The following GCG variants were observed in gnomAD, a reference collection of about 807,000 sequenced individuals.
GCG encodes the protein pro-glucagon.
In GCG, 11 loss-of-function variants were observed where a neutral mutation model predicts 22.8. The observed-to-expected ratio is 0.48, with a 90% CI of 0.30 to 0.80. The LOEUF is 0.80. Among genes scored for constraint, GCG ranks in the 30% least tolerant of loss-of-function variants. The probability of loss-of-function intolerance (pLI) is 0.06; values close to 1 mark genes in which losing one functional copy is unlikely to be tolerated. For missense variants in GCG, 222 were observed against 222.0 expected (o/e 1.00, Z 0.00); for synonymous variants, 89 against 72.4 (o/e 1.23, Z -1.16).
Position 162,151,524 on chromosome 2 carries a change from T to C in GCG, c.-10+634A>G, listed in dbSNP as rs572040930. 2.0e-5 allele frequency among the ~76,000 whole-genome samples: 3 copies of C among 152,276 alleles called. No individual in the cohort carries two copies. In the South Asian group the frequency reaches 6.2e-4, roughly 32 times the overall value. On this transcript the variant is annotated intron_variant, in intron 1 of 5. Coordinates refer to ENST00000418842, the MANE Select transcript of GCG (RefSeq NM_002054.5). ...ATCCTCAATACATAGTAAATAGTTA[T>C]TAATGTATGGCTTCACTCAGATGCA...
chr2:162,147,209 G>C, intron 3 of GCG, 144 bp downstream of exon 3: 1 of 683,520 alleles, frequency 1.5e-6, no homozygotes, highest in Middle Eastern at 4.2e-4. Context: ...ACTAAGGAGA[G>C]CATCCCCAAC....
At chr2:162,143,446 C>A (rs2106193975) in intron 5 of GCG, 76 bp from the exon 6 acceptor site, 4 of 604,546 alleles carry the variant, frequency 6.6e-6, no homozygotes, top group African/African-American at 1.9e-5. Flanking sequence ...GAAAATATTT[C>A]AATGATTTAT....
intron 4 of GCG, 92 bp from the exon 5 acceptor site, chr2:162,144,262 T>C (rs1404662567): frequency 2.0e-6 from 2 of 997,622 alleles, no homozygotes; most frequent in Non-Finnish European, 3.2e-6. Context: ...CACAAGTGTC[T>C]TGAGGAAACA....
Position 162,147,399 on chromosome 2 carries a change from G to T in GCG, c.208C>A (p.Arg70Ser), listed in dbSNP as rs745902596. 1.9e-6 allele frequency: 3 copies of T among 1,612,952 alleles called. No individual in the cohort carries two copies. Among genetic ancestry groups the T allele is most frequent in the East Asian group, 2.2e-5 (1 of 44,886 alleles). The part of the protein sequence containing the change: ...SDYSKYLDSR[R>S]AQDFVQWLMN... ...AACCACTGCACAAAATCTTGGGCACGCCTGGAGTCCAGATACTTGCTGTAG... is the reference window on the plus strand; with the variant it reads ...AACCACTGCACAAAATCTTGGGCACTCCTGGAGTCCAGATACTTGCTGTAG... Residue 70 changes from arginine to serine, a missense_variant, in exon 3 of 6, where the codon CGT becomes AGT. Physicochemically the swap from Arg to Ser is moderately radical, Grantham distance 110 (BLOSUM62 -1). Coordinates refer to ENST00000418842, the MANE Select transcript of GCG (RefSeq NM_002054.5).
intron 3 of GCG, among the ~76,000 whole-genome samples, chr2:162,146,983 C>T (rs1409096621): frequency 6.6e-6 from 1 of 152,030 alleles, no homozygotes; most frequent in Non-Finnish European, 1.5e-5. Context: ...GGGTTTGAAC[C>T]CCACGAAAGA....
chr2:162,144,962 T>C (rs1258333563), intron 4 of GCG: 1 of 152,108 alleles, frequency 6.6e-6, no homozygotes, highest in Non-Finnish European at 1.5e-5. Context: ...CCATACAAAA[T>C]TGGATATGTA....
intron 3 of GCG, among the ~76,000 whole-genome samples, chr2:162,146,237 G>A (rs1247934880): frequency 1.3e-5 from 2 of 152,138 alleles, no homozygotes; most frequent in African/African-American, 2.4e-5. Flanking sequence ...ATCAGCTGCT[G>A]TCAGTCTCCC....
chr2:162,151,971 C>T (rs1404264014), intron 1 of GCG, among the ~76,000 whole-genome samples, 187 bp downstream of exon 1: 1 of 152,052 alleles, frequency 6.6e-6, no homozygotes, highest in African/African-American at 2.4e-5. Flanking sequence ...ACTCGCTTTG[C>T]GGCTTCGCTA....
intron 1 of GCG, among the ~76,000 whole-genome samples, chr2:162,150,729 T>C (rs529511863): frequency 6.6e-6 from 1 of 152,264 alleles, no homozygotes; most frequent in Non-Finnish European, 1.5e-5. Context: ...TTGAAAAGTT[T>C]CTTGTAAAAG....
chr2:162,146,538 T>TTCTCTCTCTCTCTCTCTC (rs59717414), intron 3 of GCG, among the ~76,000 whole-genome samples: 6 of 133,432 alleles, frequency 4.5e-5, no homozygotes, highest in East Asian at 4.5e-4. Context: ...TGCTTGCTTG[T>TTCTCTCTCTCTCTCTCTC]TCTCTCTCTC....
At chr2:162,151,296 T>C (rs1686830682) in intron 1 of GCG, among the ~76,000 whole-genome samples, 1 of 152,146 alleles carries the variant, frequency 6.6e-6, no homozygotes, top group Admixed American at 6.6e-5. Context: ...GTGTTGGCAT[T>C]GTAGTCCATA....
rs755356068 is a variant in GCG, at chr2:162,145,521, T to C, written c.392+19A>G. 6.4e-7 allele frequency: 1 copy of C among 1,572,860 alleles called. No individual in the cohort carries two copies. The highest frequency in any genetic ancestry group is 8.6e-7 in the Non-Finnish European group (1 of 1,162,672). ...CTGCATCAAGGCAAAAAATGTCAAATAAGAATGTACAGACTTACTCTCGCC... is the reference window on the plus strand; with the variant it reads ...CTGCATCAAGGCAAAAAATGTCAAACAAGAATGTACAGACTTACTCTCGCC... On this transcript the variant is annotated intron_variant, in intron 4 of 5. Transcript: ENST00000418842.
At chr2:162,145,066 A>G (rs973964402) in intron 4 of GCG, 21 of 151,260 alleles carry the variant, frequency 1.4e-4, no homozygotes, top group African/African-American at 5.1e-4. Context: ...TCACATTTTT[A>G]TCTGAATATT....
At chr2:162,150,612 A>G (rs1318633882) in intron 1 of GCG, among the ~76,000 whole-genome samples, 5 of 152,148 alleles carry the variant, frequency 3.3e-5, no homozygotes, top group South Asian at 2.1e-4. Flanking sequence ...AAACCTTGCC[A>G]TATATTTAGG....
At chr2:162,144,197 G>C in intron 4 of GCG, 27 bp from the exon 5 acceptor site, 2 of 1,573,208 alleles carry the variant, frequency 1.3e-6, no homozygotes, top group Non-Finnish European at 1.7e-6. Flanking sequence ...TAAAATTAGC[G>C]TTTGATTAGA....
chr2:162,147,031 T>C (rs1180995931), intron 3 of GCG, among the ~76,000 whole-genome samples: 2 of 152,142 alleles, frequency 1.3e-5, no homozygotes, highest in African/African-American at 4.8e-5. Context: ...GAAATTAGAT[T>C]GGTAACCTCG....
intron 1 of GCG, 22 bp from the exon 2 acceptor site, chr2:162,149,209 G>C: frequency 7.1e-7 from 1 of 1,400,502 alleles, no homozygotes; most frequent in Non-Finnish European, 1.0e-6. Flanking sequence ...CAGAATGGGG[G>C]TAGGGTGAGG....
intron 2 of GCG, 80 bp from the exon 3 acceptor site, chr2:162,147,594 A>T: frequency 2.5e-6 from 3 of 1,213,984 alleles, no homozygotes; most frequent in Non-Finnish European, 2.5e-6. Flanking sequence ...ACTACAAAAT[A>T]CAAGACCATA....
chr2:162,146,535 T>A (rs999008628), intron 3 of GCG, among the ~76,000 whole-genome samples: 2 of 115,482 alleles, frequency 1.7e-5, no homozygotes, highest in Non-Finnish European at 3.5e-5. Flanking sequence ...TCCTGCTTGC[T>A]TGTTCTCTCT....
Sources: allele counts gnomAD v4.1 joint callset (sites outside exome capture counted in the v4.1 genomes callset), GRCh38; gene constraint gnomAD v4.1.1; transcripts MANE v1.5; gene names NCBI Gene and HGNC (gene_info 2026-07-23, HGNC 2026-07-21).